ZNF608: variants seen among roughly 807,000 people sequenced by gnomAD.
ZNF608 encodes renal carcinoma antigen NY-REN-36.
Under a neutral mutation model 109.0 loss-of-function variants are expected in ZNF608, and 12 were observed. The ratio of observed to expected loss-of-function variants is 0.11; its 90% CI spans 0.07 to 0.18. The LOEUF is 0.18. Ranked by LOEUF, ZNF608 falls within the 10% of genes least tolerant of loss-of-function variation. The probability of loss-of-function intolerance (pLI) is 1.00; values close to 1 mark genes in which losing one functional copy is unlikely to be tolerated. For missense variants in ZNF608, 1,707 were observed against 1,879.3 expected, an observed-to-expected ratio of 0.91 and a Z score of 1.70; for synonymous variants, 732 against 717.4, an observed-to-expected ratio of 1.02 and a Z score of -0.33.
chr5:124,696,875 G>A (rs1752869369), intron 3 of ZNF608, among the ~76,000 whole-genome samples: 1 of 152,136 alleles, frequency 6.6e-6, no homozygotes, highest in South Asian at 2.1e-4. Flanking sequence ...TCTTTGCCAT[G>A]AGACAGTGGT....
intron 3 of ZNF608, among the ~76,000 whole-genome samples, chr5:124,675,540 A>G (rs1751910189): frequency 6.6e-6 from 1 of 152,226 alleles, no homozygotes; most frequent in Admixed American, 6.5e-5. Flanking sequence ...TTATAGCAAT[A>G]TTGTATCCGT....
chr5:124,706,892 C>T (rs894694465), intron 2 of ZNF608, among the ~76,000 whole-genome samples: 7 of 152,152 alleles, frequency 4.6e-5, no homozygotes, highest in Admixed American at 1.3e-4. Context: ...CTATTTATCA[C>T]GCGAGAGAGC....
chr5:124,686,831 C>T (rs1752431087), intron 3 of ZNF608, among the ~76,000 whole-genome samples: 1 of 152,168 alleles, frequency 6.6e-6, no homozygotes, highest in African/African-American at 2.4e-5. Flanking sequence ...CAAGTAAGTC[C>T]TCGAAGAGCT....
upstream of ZNF608, chr5:124,746,921 TA>T: frequency 8.6e-6 from 1 of 116,506 alleles, no homozygotes; most frequent in Non-Finnish European, 1.5e-5. Context: ...ATAAACCAGT[TA>T]TAACAGCATT....
chr5:124,645,071 G>A (rs9327335), intron 5 of ZNF608, among the ~76,000 whole-genome samples: 94,494 of 152,016 alleles, frequency 0.62, 30,821 homozygotes, highest in African/African-American at 0.82. Flanking sequence ...TCACACAGGT[G>A]AAAAGAATGT....
intron 2 of ZNF608, among the ~76,000 whole-genome samples, chr5:124,705,013 T>C (rs761832436): frequency 2.4e-4 from 36 of 151,980 alleles, no homozygotes; most frequent in South Asian, 2.1e-4. Flanking sequence ...AGGTAAGAAT[T>C]TCCCCCCAAA....
intron 5 of ZNF608, 38 bp from the exon 6 acceptor site, chr5:124,644,699 T>C: frequency 6.0e-6 from 9 of 1,503,876 alleles, no homozygotes; most frequent in Non-Finnish European, 8.0e-6. Flanking sequence ...ACCCAACAGA[T>C]TTGTTTTAAA....
intron 2 of ZNF608, among the ~76,000 whole-genome samples, chr5:124,731,303 C>T (rs796190575): frequency 2.0e-4 from 31 of 152,222 alleles, no homozygotes; most frequent in East Asian, 7.8e-4. Context: ...CTCTGCCTCC[C>T]GGGTTCAAGC....
chr5:124,736,904 C>T (rs1382728219), intron 2 of ZNF608, among the ~76,000 whole-genome samples: 4 of 152,140 alleles, frequency 2.6e-5, no homozygotes, highest in Non-Finnish European at 5.9e-5. Context: ...TGCCACATGA[C>T]AAAAACCAGA....
intron 3 of ZNF608, among the ~76,000 whole-genome samples, chr5:124,681,953 A>T (rs1752213013): frequency 6.6e-6 from 1 of 152,252 alleles, no homozygotes; most frequent in Non-Finnish European, 1.5e-5. Context: ...ATGATTTTCA[A>T]CCAAGTCTTC....
chr5:124,662,810 CAG>C (rs1454810064), intron 3 of ZNF608, among the ~76,000 whole-genome samples: 2 of 147,686 alleles, frequency 1.4e-5, no homozygotes, highest in Non-Finnish European at 3.0e-5. Flanking sequence ...TACAGACACA[CAG>C]ACACACACAC....
chr5:124,647,546 A>C lies in ZNF608; in HGVS notation c.2838T>G (p.Ala946=), dbSNP rs1750580017. ...ACCTGCTGTCAGAACCACCATCGTC[A>C]GCAGCATCAGATATGTCTGAATAGG... ...SPAYSDISDA[A]DDGGSDSRSE... is the part of the protein sequence containing the mutation. Residue 946 remains alanine (A), a synonymous_variant, in exon 5 of 10, where the codon GCT becomes GCG. Coordinates refer to ENST00000513986, the MANE Select transcript of ZNF608 (RefSeq NM_020747.3). 1 of 1,614,122 alleles carries C rather than the reference A, an allele frequency of 6.2e-7. No homozygotes were observed. Among genetic ancestry groups the C allele is most frequent in the Non-Finnish European group, 8.5e-7 (1 of 1,180,048 alleles).
At chr5:124,742,866 C>T (rs1749470866) in intron 2 of ZNF608, among the ~76,000 whole-genome samples, 1 of 152,112 alleles carries the variant, frequency 6.6e-6, no homozygotes, top group South Asian at 2.1e-4. Context: ...CAATCGCCAA[C>T]TATAGCAAAA....
At chr5:124,684,514 C>G (rs1244266474) in intron 3 of ZNF608, among the ~76,000 whole-genome samples, 1 of 152,146 alleles carries the variant, frequency 6.6e-6, no homozygotes, top group Non-Finnish European at 1.5e-5. Flanking sequence ...CATTTCTGAA[C>G]TACATCATAT....
chr5:124,688,753 A>C (rs1752495168), intron 3 of ZNF608, among the ~76,000 whole-genome samples: 1 of 152,238 alleles, frequency 6.6e-6, no homozygotes, highest in Admixed American at 6.5e-5. Flanking sequence ...GTAAATATCC[A>C]TTGTTAATGG....
rs553180983 is a variant in ZNF608 at position 124,639,130 on chromosome 5, T to C, written c.4532+3A>G. 1 of 1,613,718 alleles carries C rather than the reference T, an allele frequency of 6.2e-7. No homozygotes were observed. The highest frequency in any genetic ancestry group is 1.1e-5 in the South Asian group (1 of 91,052). On this transcript the variant is annotated splice_donor_region_variant and intron_variant, in intron 9 of 9. Coordinates refer to ENST00000513986, the MANE Select transcript of ZNF608 (RefSeq NM_020747.3). ...ACTAATTAAAAATGTAGAGGATATT[T>C]ACCTTCTTTGTCCAGGAAACATTCC...
Position 124,730,313 on chromosome 5 carries a change from G to A in ZNF608, c.906+13771C>T. Among the ~76,000 whole-genome samples, 2 of 152,148 alleles carry A rather than the reference G, an allele frequency of 1.3e-5. 1 individual carries two copies. The highest frequency in any genetic ancestry group is 1.3e-4 in the Admixed American group (2 of 15,268). Reference sequence around the variant, plus strand: ...AGAGTTTACTTTAAGTGTCAAAAAAGGAAAATTTAACATGTTTAAGACCCA... The same window carrying A: ...AGAGTTTACTTTAAGTGTCAAAAAAAGAAAATTTAACATGTTTAAGACCCA... On this transcript the variant is annotated intron_variant, in intron 2 of 9. Coordinates refer to ENST00000513986, the MANE Select transcript of ZNF608 (RefSeq NM_020747.3).
At position 124,733,363 on chromosome 5, in the gene ZNF608, T is replaced by C. The variant is rs76305649; in HGVS notation, c.906+10721A>G. Reference sequence around the variant, plus strand: ...ACTATGCACCATCAACAAAAGCATGTAATGCTTCCAAGATGCACAGTGGCT... The same window carrying C: ...ACTATGCACCATCAACAAAAGCATGCAATGCTTCCAAGATGCACAGTGGCT... On this transcript the variant is annotated intron_variant, in intron 2 of 9. Transcript: ENST00000513986. 3.5e-4 allele frequency among the ~76,000 whole-genome samples: 54 copies of C among 152,174 alleles called. No homozygotes were observed. The East Asian group carries it at 9.1e-3, about 26-fold the overall frequency.
At chr5:124,733,955 G>T (rs1263041746) in intron 2 of ZNF608, among the ~76,000 whole-genome samples, 1 of 151,906 alleles carries the variant, frequency 6.6e-6, no homozygotes, top group Non-Finnish European at 1.5e-5. Context: ...GATTCAAAGT[G>T]GCACATAAAA....
Sources: gnomAD v4.1 joint callset for allele counts (sites outside exome capture counted in the v4.1 genomes callset) on GRCh38, gnomAD v4.1.1 for gene constraint, MANE v1.5 for transcripts, NCBI Gene and HGNC (gene_info 2026-07-23, HGNC 2026-07-21) for gene names.